Variants in RAD54L2 observed in about 807,000 individuals in gnomAD.
RAD54L2 encodes the protein RAD54 like 2, also known as helicase ARIP4.
RAD54L2 carries 27 observed loss-of-function variants against 138.4 expected under a neutral mutation model. That is an observed-to-expected ratio of 0.20 (90% confidence interval 0.14 to 0.27). The LOEUF is 0.27. Ranked by LOEUF, RAD54L2 falls within the 10% of genes least tolerant of loss-of-function variation. The pLI is 1.00. For synonymous variants in RAD54L2, 644 were observed against 723.2 expected (o/e 0.89, Z 1.76); for missense variants, 1,396 against 1,890.2 (o/e 0.74, Z 4.85).
chr3:51,608,515 A>G (rs1031561787), intron 3 of RAD54L2, among the ~76,000 whole-genome samples: 3 of 152,150 alleles, frequency 2.0e-5, no homozygotes, highest in African/African-American at 4.8e-5. Flanking sequence ...AGATCACACC[A>G]CTGCACTCCA....
chr3:51,573,103 T>A (rs896770183), intron 2 of RAD54L2, among the ~76,000 whole-genome samples: 1 of 152,130 alleles, frequency 6.6e-6, no homozygotes, highest in Non-Finnish European at 1.5e-5. Context: ...GATGGATACA[T>A]AAGTCGCTTT....
chr3:51,611,377 T>G (rs1180127447), intron 3 of RAD54L2: 2 of 152,056 alleles, frequency 1.3e-5, no homozygotes, highest in Admixed American at 6.6e-5. Context: ...AGGTGGGGTA[T>G]CCATCTCGTC....
chr3:51,626,330 A>G (rs927954586), intron 3 of RAD54L2, among the ~76,000 whole-genome samples: 1 of 148,918 alleles, frequency 6.7e-6, no homozygotes, highest in African/African-American at 2.5e-5. Flanking sequence ...ACAGAATGCT[A>G]CTCAGCAGGC....
At chr3:51,658,650 A>T (rs1238073839) in intron 21 of RAD54L2, among the ~76,000 whole-genome samples, 1 of 152,144 alleles carries the variant, frequency 6.6e-6, no homozygotes, top group Non-Finnish European at 1.5e-5. Context: ...TTGTTCAGTA[A>T]GGAGATTTTG....
intron 3 of RAD54L2, among the ~76,000 whole-genome samples, chr3:51,613,410 C>T (rs1242321289): frequency 6.6e-6 from 1 of 152,114 alleles, no homozygotes; most frequent in East Asian, 1.9e-4. Context: ...CAAAAATCAT[C>T]GTGATGCTGA....
At position 51,664,521 on chromosome 3, in the gene RAD54L2, G is replaced by C. The variant is rs1234300308; in HGVS notation, c.*1101G>C. The C allele has an allele frequency of 6.6e-6, 1 of 151,958 alleles. No individual in the cohort carries two copies. Among genetic ancestry groups the C allele is most frequent in the Non-Finnish European group, 1.5e-5 (1 of 68,000 alleles). 9.4% of individuals were successfully genotyped at this position (151,958 alleles called of 1,614,324 possible). Reference sequence around the variant, plus strand: ...TCTTATGGGCAATTATTTATTACTTGGACTTTTCATGTGTCTTGTTTATTT... The same window carrying C: ...TCTTATGGGCAATTATTTATTACTTCGACTTTTCATGTGTCTTGTTTATTT... On this transcript the variant is annotated 3_prime_UTR_variant, in exon 23 of 23. Coordinates refer to ENST00000684192, the MANE Select transcript of RAD54L2 (RefSeq NM_015106.4).
intron 3 of RAD54L2, 75 bp from the exon 4 acceptor site, chr3:51,627,478 A>G (rs1700717450): frequency 7.1e-7 from 1 of 1,406,106 alleles, no homozygotes; most frequent in Non-Finnish European, 9.8e-7. Context: ...TGAGATTTGA[A>G]CCCAGGTGTG....
At chr3:51,539,256 C>T (rs1402132207) in intron 1 of RAD54L2, among the ~76,000 whole-genome samples, 2 of 152,054 alleles carry the variant, frequency 1.3e-5, no homozygotes, top group African/African-American at 2.4e-5. Flanking sequence ...GACCAGAGCG[C>T]GGTGTGGGGT....
In RAD54L2 at chr3:51,662,632, C is replaced by T; in HGVS notation, c.3616C>T (p.Pro1206Ser). ...PSTNAALPGP[P>S]AQLMDSSAVP... ...CACCAATGCCGCCCTGCCTGGCCCC[C>T]CGGCCCAACTTATGGACAGCAGTGC... The change falls in exon 23 of 23, where the codon CCG becomes TCG. Residue 1206 changes from proline to serine, a missense_variant. Around this residue, in one of 7 missense-constraint regions of RAD54L2, gnomAD observed 634 missense variants for 711.2 expected, o/e 0.89. Transcript: ENST00000684192. The surrounding 1 kb of genome is among the most constrained non-coding windows in gnomAD (Gnocchi z 4.6). 6.2e-7 allele frequency: 1 copy of T among 1,612,512 alleles called. No individual in the cohort carries two copies. Among genetic ancestry groups the T allele is most frequent in the South Asian group, 1.1e-5 (1 of 90,804 alleles).
rs540287277 is a variant in RAD54L2 at position 51,663,269 on chromosome 3, G to C, written c.4253G>C (p.Gly1418Ala). The C allele has an allele frequency of 1.6e-5, 26 of 1,613,850 alleles. No homozygotes were observed. The East Asian group carries it at 4.9e-4, about 30-fold the overall frequency. The change falls in exon 23 of 23, where the codon GGC becomes GCC. Residue 1418 changes from glycine to alanine, a missense_variant. By Grantham distance (60) the Gly-to-Ala change is moderately conservative (BLOSUM62 0). Coordinates refer to ENST00000684192, the MANE Select transcript of RAD54L2 (RefSeq NM_015106.4). Reference protein sequence around the residue: ...NLSRGMSIYPGYMSPHAGYPA... With the variant: ...NLSRGMSIYPAYMSPHAGYPA... The stretch of plus-strand genomic sequence containing the variant: ...TCGCGGGGCATGTCTATCTATCCAG[G>C]CTACATGTCCCCACATGCAGGCTAC...
At chr3:51,613,867 G>A (rs551486397) in intron 3 of RAD54L2, among the ~76,000 whole-genome samples, 35 of 152,294 alleles carry the variant, frequency 2.3e-4, no homozygotes, top group African/African-American at 7.7e-4. Flanking sequence ...TCGCAACTGG[G>A]AATGATTTGG....
chr3:51,552,271 A>AT (rs1006941091), intron 2 of RAD54L2, among the ~76,000 whole-genome samples: 15 of 149,960 alleles, frequency 1.0e-4, no homozygotes, highest in East Asian at 2.0e-4. Flanking sequence ...ATAGGAATCA[A>AT]TTTTTTTTTG....
At chr3:51,657,090 T>C (rs888610576) in intron 20 of RAD54L2, among the ~76,000 whole-genome samples, 20 of 152,194 alleles carry the variant, frequency 1.3e-4, no homozygotes, top group African/African-American at 4.3e-4. Context: ...GTAAAAAATT[T>C]GAAACACATG....
chr3:51,606,749 C>A (rs1700189251), intron 3 of RAD54L2, among the ~76,000 whole-genome samples: 1 of 151,822 alleles, frequency 6.6e-6, no homozygotes, highest in Admixed American at 6.6e-5. Context: ...GTGGTGTTAT[C>A]TTGGCTCGCT....
At chr3:51,644,924 G>A (rs1701235271) in intron 16 of RAD54L2, 100 bp from the exon 17 acceptor site, 1 of 1,195,140 alleles carries the variant, frequency 8.4e-7, no homozygotes, top group Non-Finnish European at 1.2e-6. Context: ...TTAGGGCTTA[G>A]GACAGAGTAA....
chr3:51,639,157 C>A, intron 12 of RAD54L2: 1 of 484,374 alleles, frequency 2.1e-6, no homozygotes, highest in Non-Finnish European at 3.7e-6. Flanking sequence ...CTTGTGACAG[C>A]TTTTTTGATT....
chr3:51,657,608 C>T lies in RAD54L2; in HGVS notation c.3255C>T (p.Ser1085=). The T allele has an allele frequency of 6.3e-7, 1 of 1,583,278 alleles. No homozygotes were observed. The highest frequency in any genetic ancestry group is 8.6e-7 in the Non-Finnish European group (1 of 1,162,090). ...TDIVIPGLNS[S]TDVQARINAG... is the part of the protein sequence containing the mutation. Reference sequence around the variant, plus strand: ...TTGTTATTCCTGGACTCAACAGCTCCACAGATGTACAGGCAAGAATTAATG... The same window carrying T: ...TTGTTATTCCTGGACTCAACAGCTCTACAGATGTACAGGCAAGAATTAATG... The change falls in exon 21 of 23, where the codon TCC becomes TCT. Residue 1085 remains serine (S), a synonymous_variant. Transcript: ENST00000684192.
intron 3 of RAD54L2, among the ~76,000 whole-genome samples, chr3:51,597,895 G>A (rs1483499166): frequency 2.7e-5 from 4 of 150,728 alleles, no homozygotes; most frequent in Admixed American, 2.0e-4. Context: ...CGGAGGTTGC[G>A]GTGAGCCGAG....
At chr3:51,589,665 C>CATATATAT (rs34093585) in intron 2 of RAD54L2, among the ~76,000 whole-genome samples, 1 of 127,880 alleles carries the variant, frequency 7.8e-6, no homozygotes, top group Non-Finnish European at 1.6e-5. Context: ...GGACTCTATA[C>CATATATAT]ATATATATAT....
Sources: allele counts gnomAD v4.1 joint callset (sites outside exome capture counted in the v4.1 genomes callset), GRCh38; gene constraint gnomAD v4.1.1; regional missense constraint gnomAD v4.1.1; non-coding constraint Gnocchi (gnomAD v3.1); transcripts MANE v1.5; gene names NCBI Gene and HGNC (gene_info 2026-07-23, HGNC 2026-07-21).